AKNAD1: variants seen among roughly 807,000 people sequenced by gnomAD.
AKNAD1 encodes AKNA domain containing 1, also known as protein AKNAD1.
A neutral mutation model predicts 90.8 loss-of-function variants in AKNAD1; 67 were observed. The observed-to-expected ratio is 0.74, with a 90% confidence interval of 0.61 to 0.90. AKNAD1 has a LOEUF of 0.90. AKNAD1 is among the 40% of genes least tolerant of loss of function. The pLI is 0.00. For missense variants in AKNAD1, 957 were observed against 975.4 expected (o/e 0.98, Z 0.25); for synonymous variants, 327 against 341.4 (o/e 0.96, Z 0.46).
rs1272498514 is a variant in AKNAD1, at chr1:108,822,150, TGTCACCTG to T, written c.2167+1212_2167+1219del. Among the ~76,000 whole-genome samples, 3 of 152,290 alleles carry T rather than the reference TGTCACCTG, an allele frequency of 2.0e-5. No homozygotes were observed. The East Asian group carries it at 5.8e-4, about 29-fold the overall frequency. ...AACTCAGAGTTAGAAAGCACCACAGTGTCACCTGGTCCGGTTCTAGTCCAGTGTACAGA... is the reference window on the plus strand; with the variant it reads ...AACTCAGAGTTAGAAAGCACCACAGTGTCCGGTTCTAGTCCAGTGTACAGA... On this transcript the variant is annotated intron_variant, in intron 13 of 15. Transcript: ENST00000370001.
chr1:108,853,943 G>GA (rs71069607), intron 1 of AKNAD1, among the ~76,000 whole-genome samples: 150,238 of 150,366 alleles, frequency 1, 75,055 homozygotes, highest in Middle Eastern at 1. Flanking sequence ...CTCAAAAAAA[G>GA]AAAAAAAAAG....
intron 11 of AKNAD1, among the ~76,000 whole-genome samples, chr1:108,825,017 C>G (rs1387472369): frequency 6.6e-6 from 1 of 151,696 alleles, no homozygotes; most frequent in Non-Finnish European, 1.5e-5. Context: ...ATCACTTGCT[C>G]TGGGGGAAGC....
chr1:108,834,382 A>G, intron 9 of AKNAD1, 65 bp downstream of exon 9: 2 of 1,351,750 alleles, frequency 1.5e-6, no homozygotes, highest in Non-Finnish European at 1.0e-6. Context: ...ATTCAGCAAC[A>G]CTGGTTTTAG....
chr1:108,818,034 T>C (rs1663677616), intron 14 of AKNAD1, among the ~76,000 whole-genome samples: 1 of 152,024 alleles, frequency 6.6e-6, no homozygotes, highest in African/African-American at 2.4e-5. Context: ...ACTAGGTGAG[T>C]GAGGGGTGCA....
chr1:108,820,175 T>C (rs1259768520), intron 14 of AKNAD1, among the ~76,000 whole-genome samples: 1 of 152,152 alleles, frequency 6.6e-6, no homozygotes, highest in Non-Finnish European at 1.5e-5. Flanking sequence ...CAGATCCCCT[T>C]GCTAGTTCGT....
chr1:108,829,911 A>G (rs934670210), intron 10 of AKNAD1, among the ~76,000 whole-genome samples: 4 of 152,222 alleles, frequency 2.6e-5, no homozygotes, highest in Non-Finnish European at 5.9e-5. Flanking sequence ...CTGAATCGAC[A>G]CAGATTAATA....
In AKNAD1 at chr1:108,852,106, C is replaced by G. The variant is rs1391862913; in HGVS notation, c.559G>C (p.Ala187Pro). ...DGENSNKPGS[A>P]TTTEENTSDL... ...GAGGTATTTTCCTCTGTCGTGGTGG[C>G]AGAACCAGGCTTATTGCTGTTTTCA... The change falls in exon 2 of 16, where the codon GCC becomes CCC. Residue 187 changes from alanine (A) to proline (P), a missense_variant. Physicochemically the swap from Ala to Pro is conservative, Grantham distance 27 (BLOSUM62 -1). Transcript: ENST00000370001. The G allele has an allele frequency of 6.2e-7, 1 of 1,614,156 alleles. No homozygotes were observed. Among genetic ancestry groups the G allele is most frequent in the South Asian group, 1.1e-5 (1 of 91,086 alleles).
Position 108,816,034 on chromosome 1 carries a change from A to T in AKNAD1, c.*137T>A. The T allele has an allele frequency of 1.2e-6, 1 of 858,698 alleles. No homozygotes were observed. The highest frequency in any genetic ancestry group is 1.7e-6 in the Non-Finnish European group (1 of 603,958). The allele number at this position is 858,698 out of a possible 1,614,324, so 53.2% of individuals were successfully genotyped here. ...CTTTTTCCTTTAAGTACTTTGTGTT[A>T]CCCATTTCTTATGGTTTCTGTGTTT... On this transcript the variant is annotated 3_prime_UTR_variant, in exon 16 of 16. Transcript: ENST00000370001.
intron 11 of AKNAD1, 150 bp downstream of exon 11, chr1:108,827,055 C>T (rs1462549942): frequency 3.0e-6 from 2 of 661,428 alleles, no homozygotes; most frequent in African/African-American, 3.6e-5. Flanking sequence ...TAATTCTTTA[C>T]ATTTTGCAAA....
chr1:108,843,388 C>T (rs534901147), intron 5 of AKNAD1, 121 bp from the exon 6 acceptor site: 1 of 1,248,200 alleles, frequency 8.0e-7, no homozygotes, highest in Admixed American at 2.6e-5. Context: ...ATCCTTCTCC[C>T]AGCAGCATAA....
chr1:108,827,352 G>T, intron 10 of AKNAD1, 50 bp from the exon 11 acceptor site: 2 of 1,356,602 alleles, frequency 1.5e-6, no homozygotes, highest in Middle Eastern at 1.9e-4. Context: ...ATTTCCAATA[G>T]ATAGGGAAAG....
Position 108,827,346 on chromosome 1 carries a change from C to A in AKNAD1, c.1839-44G>T, listed in dbSNP as rs573002533. 5 of 1,403,242 alleles carry A rather than the reference C, an allele frequency of 3.6e-6. No homozygotes were observed. In the East Asian group the frequency reaches 1.2e-4, roughly 33 times the overall value. The allele number at this position is 1,403,242 out of a possible 1,614,324, so 86.9% of individuals were successfully genotyped here. ...GATCCTGTAAACTTTTAGTGCATTT[C>A]CAATAGATAGGGAAAGTTTTGGTAA... On this transcript the variant is annotated intron_variant, in intron 10 of 15. Transcript: ENST00000370001.
intron 9 of AKNAD1, among the ~76,000 whole-genome samples, chr1:108,832,085 T>C (rs1364487510): frequency 3.3e-5 from 5 of 152,200 alleles, no homozygotes; most frequent in Non-Finnish European, 7.3e-5. Flanking sequence ...TCCTGGCACG[T>C]TGTCGCCATT....
At chr1:108,839,456 G>C (rs573688988) in intron 6 of AKNAD1, among the ~76,000 whole-genome samples, 1 of 59,102 alleles carries the variant, frequency 1.7e-5, no homozygotes, top group Admixed American at 1.6e-4. Flanking sequence ...CTGGAGGAGC[G>C]AGACTCCGTC....
In AKNAD1 at chr1:108,823,485, GA is replaced by G. The variant is rs762704903; in HGVS notation, c.2060-9del. The G allele has an allele frequency of 3.6e-5, 58 of 1,612,542 alleles. No individual in the cohort carries two copies. The South Asian group carries it at 5.7e-4, about 16-fold the overall frequency. Reference sequence around the variant, plus strand: ...TGTATCTATAATGAAATTCTGGGAAGAAAAGATTAAAAATACAGTTAATTGC... The same window carrying G: ...TGTATCTATAATGAAATTCTGGGAAGAAAGATTAAAAATACAGTTAATTGC... On this transcript the variant is annotated splice_polypyrimidine_tract_variant and intron_variant, in intron 12 of 15. Coordinates refer to ENST00000370001, the MANE Select transcript of AKNAD1 (RefSeq NM_152763.5).
In AKNAD1 at chr1:108,837,596, A is replaced by C. The variant is rs373065253; in HGVS notation, c.1490T>G (p.Val497Gly). The C allele has an allele frequency of 4.3e-6, 7 of 1,614,012 alleles. No individual in the cohort carries two copies. Among genetic ancestry groups the C allele is most frequent in the Non-Finnish European group, 4.2e-6 (5 of 1,180,014 alleles). The change falls in exon 7 of 16, where the codon GTT (valine) becomes GGT (glycine). Residue 497 changes from valine (V) to glycine (G), a missense_variant. Physicochemically the swap from Val to Gly is moderately radical, Grantham distance 109 (BLOSUM62 -3). Coordinates refer to ENST00000370001, the MANE Select transcript of AKNAD1 (RefSeq NM_152763.5). ...SAPSLPVSSP[V>G]TLDDLASTFS... is the part of the protein sequence containing the mutation. ...GGTGGAGGCCAAGTCATCCAGGGTAACTGGAGAACTCACAGGAAGGGAAGG... is the reference window on the plus strand; with the variant it reads ...GGTGGAGGCCAAGTCATCCAGGGTACCTGGAGAACTCACAGGAAGGGAAGG...
chr1:108,845,795 G>A (rs1040710730), intron 5 of AKNAD1, among the ~76,000 whole-genome samples: 1 of 152,194 alleles, frequency 6.6e-6, no homozygotes, highest in African/African-American at 2.4e-5. Context: ...CAGTGAGGGT[G>A]GGATGTCCGA....
At chr1:108,850,328 G>GA (rs148103316) in intron 2 of AKNAD1, among the ~76,000 whole-genome samples, 6,805 of 152,196 alleles carry the variant, frequency 0.045, 221 homozygotes, top group East Asian at 0.14. Flanking sequence ...GACAGAACTG[G>GA]AAAAAATCAG....
chr1:108,848,342 A>G (rs1442067115), intron 5 of AKNAD1, among the ~76,000 whole-genome samples: 1 of 152,240 alleles, frequency 6.6e-6, no homozygotes, highest in African/African-American at 2.4e-5. Context: ...CCTGAAAAAC[A>G]TTGCTTCAAG....
Sources: allele counts gnomAD v4.1 joint callset (sites outside exome capture counted in the v4.1 genomes callset), GRCh38; gene constraint gnomAD v4.1.1; transcripts MANE v1.5; gene names NCBI Gene and HGNC (gene_info 2026-07-23, HGNC 2026-07-21).